Variants in TASOR2 observed in about 807,000 individuals in gnomAD.
TASOR2 encodes transcription activation suppressor family member 2.
TASOR2 carries 84 observed loss-of-function variants against 199.5 expected under a neutral mutation model. That is an observed-to-expected ratio of 0.42 (90% confidence interval 0.35 to 0.50). The LOEUF (loss-of-function observed/expected upper bound fraction) is 0.50, where lower values mean the gene tolerates loss of function less well. Ranked by LOEUF, TASOR2 falls within the 20% of genes least tolerant of loss-of-function variation. The pLI, the probability that TASOR2 is intolerant of heterozygous loss-of-function variation, is 0.02. For synonymous variants in TASOR2, 1,103 were observed against 1,046.6 expected (o/e 1.05, Z -1.04); for missense variants, 2,796 against 2,835.9 (o/e 0.99, Z 0.32).
At chr10:5,745,282 A>AGGT (rs375746964) in intron 14 of TASOR2, among the ~76,000 whole-genome samples, 1 of 3,692 alleles carries the variant, frequency 2.7e-4, no homozygotes, top group Non-Finnish European at 5.3e-4. Flanking sequence ...CATGTACAAT[A>AGGT]GGTATTCAAA....
intron 1 of TASOR2, among the ~76,000 whole-genome samples, chr10:5,703,377 C>T (rs574216971): frequency 2.6e-5 from 4 of 151,990 alleles, no homozygotes; most frequent in East Asian, 1.9e-4. Flanking sequence ...TTAAATCTCT[C>T]AGTATGATTA....
At chr10:5,744,803 AT>A (rs1836945939) in intron 14 of TASOR2, among the ~76,000 whole-genome samples, 1 of 151,876 alleles carries the variant, frequency 6.6e-6, no homozygotes, top group African/African-American at 2.4e-5. Context: ...TAATTTTTGT[AT>A]TTTTAGTAGA....
At chr10:5,694,223 G>GTATA (rs1317445267) in intron 1 of TASOR2, among the ~76,000 whole-genome samples, 2 of 152,196 alleles carry the variant, frequency 1.3e-5, no homozygotes, top group African/African-American at 4.8e-5. Flanking sequence ...GCAAGATGAG[G>GTATA]TATAGGAAAT....
rs200293789 is a variant in TASOR2 at position 5,729,555 on chromosome 10, TA to T, written c.488-931del. Among the ~76,000 whole-genome samples, 76 of 152,328 alleles carry T rather than the reference TA, an allele frequency of 5.0e-4. 1 individual carries two copies. The East Asian group carries it at 0.015, about 29-fold the overall frequency. ...TGTCTACAAAAAATACAAAAATTTT[TA>T]TTTTGATATCTGGCCACATTTTCCT... is the stretch of plus-strand genomic sequence containing the variant. On this transcript the variant is annotated intron_variant, in intron 10 of 20. Transcript: ENST00000328090.
At chr10:5,717,601 TA>T in intron 2 of TASOR2, 57 bp from the exon 4 acceptor site, 1 of 685,494 alleles carries the variant, frequency 1.5e-6, no homozygotes, top group Non-Finnish European at 2.0e-6. Flanking sequence ...TTCTTGCTTC[TA>T]CTTTCTCCTG....
At chr10:5,721,053 G>T in intron 6 of TASOR2, 83 bp downstream of exon 7, 1 of 1,075,640 alleles carries the variant, frequency 9.3e-7, no homozygotes, top group Non-Finnish European at 1.4e-6. Flanking sequence ...TTCAAGGGTG[G>T]CATTGGTGTA....
In TASOR2 at chr10:5,701,826, C is replaced by T. The variant is rs1360670926; in HGVS notation, c.-287-10997C>T. Among the ~76,000 whole-genome samples, 1 of 152,172 alleles carries T rather than the reference C, an allele frequency of 6.6e-6. No individual in the cohort carries two copies. The highest frequency in any genetic ancestry group is 1.5e-5 in the Non-Finnish European group (1 of 68,018). ...GTTGATTTTGTATCCTGCAACTTTA[C>T]TGAATTTGTTTATCAGTTCTAACAA... On this transcript the variant is annotated intron_variant, in intron 1 of 20. Transcript: ENST00000328090. The surrounding 1 kb of genome is among the most constrained non-coding windows in gnomAD (Gnocchi z 4.9).
Position 5,752,944 on chromosome 10 carries a change from G to T in TASOR2, c.6606+2917G>T, listed in dbSNP as rs1323683172. 6.6e-6 allele frequency among the ~76,000 whole-genome samples: 1 copy of T among 152,160 alleles called. No homozygotes were observed. The highest frequency in any genetic ancestry group is 2.4e-5 in the African/African-American group (1 of 41,434). ...GAGGTCGCTGGGAGCCACTGGAAAG[G>T]TTCTGTTAGGTTTTTTCCTCCTAAC... On this transcript the variant is annotated intron_variant, in intron 15 of 20. Coordinates refer to ENST00000328090, the Ensembl canonical transcript of TASOR2. This position sits in a 1 kb window ranked among gnomAD's most constrained non-coding sequence, Gnocchi z 4.4.
At chr10:5,700,546 A>C (rs576430464) in intron 1 of TASOR2, among the ~76,000 whole-genome samples, 1 of 152,204 alleles carries the variant, frequency 6.6e-6, no homozygotes, top group South Asian at 2.1e-4. Flanking sequence ...TTAAATTTCT[A>C]CCAGCAGTGT....
Position 5,698,066 on chromosome 10 carries a change from C to G in TASOR2, c.-288+12891C>G, listed in dbSNP as rs1163353001. On this transcript the variant is annotated intron_variant, in intron 1 of 20. Transcript: ENST00000328090. The surrounding 1 kb of genome is among the most constrained non-coding windows in gnomAD (Gnocchi z 4.4). ...TGCTTTACTTTTCCTTATGTTCACT[C>G]CATGACCCTATGCAGTTCCTTTCAT... Among the ~76,000 whole-genome samples, 1 of 152,210 alleles carries G rather than the reference C, an allele frequency of 6.6e-6. No individual in the cohort carries two copies. The highest frequency in any genetic ancestry group is 1.5e-5 in the Non-Finnish European group (1 of 68,038).
intron 15 of TASOR2, among the ~76,000 whole-genome samples, chr10:5,753,683 T>C (rs1349916628): frequency 6.6e-6 from 1 of 152,176 alleles, no homozygotes; most frequent in Non-Finnish European, 1.5e-5. Flanking sequence ...TCTTAATGAA[T>C]GGTTGCCGGA....
chr10:5,724,835 G>GT (rs1292664798), intron 8 of TASOR2, among the ~76,000 whole-genome samples: 1 of 151,584 alleles, frequency 6.6e-6, no homozygotes, highest in South Asian at 2.1e-4. Flanking sequence ...TGTATACTGT[G>GT]TTTTTTTCTA....
In TASOR2 at chr10:5,757,985, T is replaced by C. The variant is rs146973232; in HGVS notation, c.6886+312T>C. 1.2e-3 allele frequency among the ~76,000 whole-genome samples: 187 copies of C among 152,298 alleles called. 3 individuals are homozygous for C. The East Asian group carries it at 0.026, about 22-fold the overall frequency. ...ATATTTAGTCTCTTCACTTGCCAAGTCAGAGCAGCTCCATATTAAATTGTT... is the reference window on the plus strand; with the variant it reads ...ATATTTAGTCTCTTCACTTGCCAAGCCAGAGCAGCTCCATATTAAATTGTT... On this transcript the variant is annotated intron_variant, in intron 17 of 20. Transcript: ENST00000328090.
At chr10:5,725,805 T>C (rs981651104) in intron 8 of TASOR2, among the ~76,000 whole-genome samples, 5 of 152,044 alleles carry the variant, frequency 3.3e-5, no homozygotes, top group African/African-American at 1.2e-4. Context: ...TCTTAAATCA[T>C]AGCTCCTGTA....
At chr10:5,753,927 C>T (rs1256823039) in intron 15 of TASOR2, among the ~76,000 whole-genome samples, 1 of 152,132 alleles carries the variant, frequency 6.6e-6, no homozygotes, top group Non-Finnish European at 1.5e-5. Context: ...TAGAGTGACT[C>T]TAGAATCAAC....
intron 1 of TASOR2, among the ~76,000 whole-genome samples, chr10:5,704,718 T>C (rs1310614414): frequency 6.6e-6 from 1 of 152,198 alleles, no homozygotes; most frequent in Non-Finnish European, 1.5e-5. Flanking sequence ...TGTTTTTCTT[T>C]TGTAGTGTAT....
intron 2 of TASOR2, 175 bp from the exon 3 acceptor site, chr10:5,713,960 G>T: frequency 2.8e-6 from 1 of 361,714 alleles, no homozygotes. Context: ...CAGCATTTTG[G>T]GAGGCTGAGG....
rs143079794 is a variant in TASOR2, at chr10:5,716,269, C to T, written c.-191-1390C>T. ...TACCATATTTTCTTTATCCATTCAT[C>T]AATTCATGGACATACGGGTTATTTC... On this transcript the variant is annotated intron_variant, in intron 2 of 20. Coordinates refer to ENST00000328090, the Ensembl canonical transcript of TASOR2. Among the ~76,000 whole-genome samples, 705 of 152,256 alleles carry T rather than the reference C, an allele frequency of 4.6e-3. 5 individuals carry two copies. Among genetic ancestry groups the T allele is most frequent in the African/African-American group, 0.016 (670 of 41,538 alleles).
At chr10:5,712,791 G>C (rs1284901566) in intron 1 of TASOR2, 32 bp from the exon 2 acceptor site, 1 of 1,071,076 alleles carries the variant, frequency 9.3e-7, no homozygotes. Context: ...TATGTTTATA[G>C]CGTTTGGTTA....
Sources: gnomAD v4.1 joint callset for allele counts (sites outside exome capture counted in the v4.1 genomes callset) on GRCh38, gnomAD v4.1.1 for gene constraint, Gnocchi (gnomAD v3.1) non-coding constraint, MANE v1.5 for transcripts, NCBI Gene and HGNC (gene_info 2026-07-23, HGNC 2026-07-21) for gene names.